The following RPTOR variants were observed in gnomAD, a reference collection of about 807,000 sequenced individuals.
RPTOR encodes regulatory associated protein of MTOR complex 1.
Under a neutral mutation model 169.9 loss-of-function variants are expected in RPTOR, and 21 were observed. The ratio of observed to expected loss-of-function variants is 0.12; its 90% CI spans 0.09 to 0.18. The LOEUF (loss-of-function observed/expected upper bound fraction) is 0.18, where lower values mean the gene tolerates loss of function less well. Among genes scored for constraint, RPTOR ranks in the 10% least tolerant of loss-of-function variants. RPTOR has a pLI of 1.00. For synonymous variants in RPTOR, 732 were observed against 753.2 expected, an observed-to-expected ratio of 0.97 and a Z score of 0.46; for missense variants, 1,133 against 1,855.9, an observed-to-expected ratio of 0.61 and a Z score of 7.16.
chr17:80,854,230 A>C (rs1204831451), intron 11 of RPTOR, among the ~76,000 whole-genome samples: 1 of 152,256 alleles, frequency 6.6e-6, no homozygotes, highest in Non-Finnish European at 1.5e-5. Flanking sequence ...CTTTTGGCTA[A>C]TAATAGTGTA....
chr17:80,764,190 A>C (rs1205201877), intron 6 of RPTOR, among the ~76,000 whole-genome samples: 2 of 140,258 alleles, frequency 1.4e-5, no homozygotes, highest in African/African-American at 2.7e-5. Context: ...TATACTTTTA[A>C]GTTTTAGGGT....
At chr17:80,881,638 G>T (rs2068187300) in intron 14 of RPTOR, among the ~76,000 whole-genome samples, 1 of 152,222 alleles carries the variant, frequency 6.6e-6, no homozygotes, top group African/African-American at 2.4e-5. Flanking sequence ...GGGCGACATG[G>T]TGAAACCCCG....
chr17:80,670,501 C>A (rs778947454), intron 3 of RPTOR, among the ~76,000 whole-genome samples: 47 of 152,294 alleles, frequency 3.1e-4, no homozygotes, highest in Non-Finnish European at 5.7e-4. Context: ...TCGTCTTTTT[C>A]TATTTGTACC....
At chr17:80,559,919 A>G (rs2084458398) in intron 1 of RPTOR, among the ~76,000 whole-genome samples, 2 of 152,248 alleles carry the variant, frequency 1.3e-5, no homozygotes, top group Admixed American at 6.5e-5. Flanking sequence ...GACCCCAGCT[A>G]TCTGAACAAT....
intron 1 of RPTOR, among the ~76,000 whole-genome samples, chr17:80,564,651 A>G (rs1278337882): frequency 6.6e-6 from 1 of 150,388 alleles, no homozygotes; most frequent in Non-Finnish European, 1.5e-5. Flanking sequence ...ATATAGGTGA[A>G]CTCATGTCAC....
intron 20 of RPTOR, among the ~76,000 whole-genome samples, chr17:80,902,911 G>A (rs2143912922): frequency 6.6e-6 from 1 of 152,366 alleles, no homozygotes; most frequent in East Asian, 1.9e-4. Flanking sequence ...AGGCGAGGCG[G>A]GAGTTAATTC....
intron 21 of RPTOR, chr17:80,909,669 T>A (rs1036943021): frequency 3.3e-5 from 5 of 152,306 alleles, no homozygotes; most frequent in Non-Finnish European, 5.9e-5. Context: ...ACACCCAGAC[T>A]TTTCTTCCCT....
At chr17:80,822,008 A>G (rs1276079535) in intron 7 of RPTOR, among the ~76,000 whole-genome samples, 193 bp from the exon 8 acceptor site, 1 of 152,188 alleles carries the variant, frequency 6.6e-6, no homozygotes, top group Non-Finnish European at 1.5e-5. Context: ...AAAGCTGCAG[A>G]TGGAGGTTGA....
At chr17:80,800,830 T>C (rs935609234) in intron 7 of RPTOR, among the ~76,000 whole-genome samples, 3 of 152,242 alleles carry the variant, frequency 2.0e-5, no homozygotes, top group Non-Finnish European at 4.4e-5. Context: ...GTTAGTATTC[T>C]GATCACTGGA....
At chr17:80,922,926 G>T (rs546046437) in intron 22 of RPTOR, 99 bp downstream of exon 22, 7 of 1,018,150 alleles carry the variant, frequency 6.9e-6, no homozygotes, top group South Asian at 2.9e-5. Context: ...CTCCTTCCCC[G>T]CCCTGTCTTG....
intron 28 of RPTOR, among the ~76,000 whole-genome samples, chr17:80,949,805 C>T (rs990051574): frequency 6.6e-6 from 1 of 152,272 alleles, no homozygotes; most frequent in African/African-American, 2.4e-5. Context: ...CAACCTTCAT[C>T]CTTGGCTTGC....
chr17:80,600,427 T>C (rs138247658), intron 1 of RPTOR, among the ~76,000 whole-genome samples: 122 of 152,318 alleles, frequency 8.0e-4, no homozygotes, highest in Non-Finnish European at 1.4e-3. Context: ...TGGGGTACTT[T>C]TCATGGAAAA....
Position 80,828,449 on chromosome 17 carries a change from G to A in RPTOR, c.1136+5226G>A, listed in dbSNP as rs575157997. 3.9e-4 allele frequency among the ~76,000 whole-genome samples: 59 copies of A among 152,336 alleles called. 1 individual carries two copies. Among genetic ancestry groups the A allele is most frequent in the Middle Eastern group, 3.4e-3 (1 of 294 alleles). On this transcript the variant is annotated intron_variant, in intron 9 of 33. Coordinates refer to ENST00000306801, the MANE Select transcript of RPTOR (RefSeq NM_020761.3). Reference sequence around the variant, plus strand: ...AGTCAGCAGCCCTGTCCTGGGATCCGAGTCGTCTTGGTGACTCCCACGCTT... The same window carrying A: ...AGTCAGCAGCCCTGTCCTGGGATCCAAGTCGTCTTGGTGACTCCCACGCTT...
chr17:80,743,696 CCTGGCT>C (rs2066509327), intron 5 of RPTOR, among the ~76,000 whole-genome samples: 1 of 107,610 alleles, frequency 9.3e-6, no homozygotes, highest in Non-Finnish European at 2.4e-5. Context: ...CTAGCACAGC[CCTGGCT>C]ACTAGCACTG....
chr17:80,583,864 A>G (rs1463861441), intron 1 of RPTOR, among the ~76,000 whole-genome samples: 3 of 152,252 alleles, frequency 2.0e-5, no homozygotes, highest in South Asian at 2.1e-4. Flanking sequence ...TATTTGGCCC[A>G]TGATGAGTGG....
chr17:80,744,829 C>T (rs1475353777), intron 5 of RPTOR, among the ~76,000 whole-genome samples: 130 of 10,678 alleles, frequency 0.012, no homozygotes, highest in Admixed American at 0.029. Flanking sequence ...ACTAGCACAG[C>T]CCTGGTTACT....
intron 3 of RPTOR, among the ~76,000 whole-genome samples, chr17:80,701,833 CT>C (rs1288773750): frequency 6.6e-6 from 1 of 152,212 alleles, no homozygotes; most frequent in Non-Finnish European, 1.5e-5. Context: ...AGGGCTACCC[CT>C]GGTGGGATTT....
At chr17:80,940,297 A>G (rs2069008064) in intron 24 of RPTOR, 199 bp from the exon 25 acceptor site, 3 of 521,524 alleles carry the variant, frequency 5.8e-6, no homozygotes, top group Non-Finnish European at 1.0e-5. Flanking sequence ...TGTGTCGGGT[A>G]TGGCGGGCAA....
intron 25 of RPTOR, among the ~76,000 whole-genome samples, chr17:80,945,115 A>G (rs1268277970): frequency 2.6e-5 from 4 of 151,922 alleles, no homozygotes; most frequent in African/African-American, 9.7e-5. Flanking sequence ...GCAACACAGT[A>G]AGACCCTGTC....
Sources: allele counts gnomAD v4.1 joint callset (sites outside exome capture counted in the v4.1 genomes callset), GRCh38; gene constraint gnomAD v4.1.1; transcripts MANE v1.5; gene names NCBI Gene and HGNC (gene_info 2026-07-23, HGNC 2026-07-21).